TJP1: variants seen among roughly 807,000 people sequenced by gnomAD.
TJP1 encodes tight junction protein ZO-1.
TJP1 carries 43 observed loss-of-function variants against 194.2 expected under a neutral mutation model. The observed-to-expected ratio is 0.22, with a 90% CI of 0.17 to 0.29. TJP1 has a LOEUF of 0.29. Ranked by LOEUF, TJP1 falls within the 10% of genes least tolerant of loss-of-function variation. The probability of loss-of-function intolerance (pLI) is 1.00; values close to 1 mark genes in which losing one functional copy is unlikely to be tolerated. For missense variants in TJP1, 1,971 were observed against 2,185.7 expected (o/e 0.90, Z 1.96); for synonymous variants, 801 against 779.0 (o/e 1.03, Z -0.47).
Position 29,916,170 on chromosome 15 carries a change from G to A in TJP1, c.306+40062C>T, listed in dbSNP as rs556086069. On this transcript the variant is annotated intron_variant, in intron 2 of 28. Coordinates refer to the TJP1 transcript ENST00000356107. Reference sequence around the variant, plus strand: ...TGAGGCAGCAAAATCACCTGAACTCGGGAGGTGGAGGTTGCAGTGAGATTG... The same window carrying A: ...TGAGGCAGCAAAATCACCTGAACTCAGGAGGTGGAGGTTGCAGTGAGATTG... 5.5e-4 allele frequency among the ~76,000 whole-genome samples: 83 copies of A among 151,156 alleles called. No homozygotes were observed. In the South Asian group the frequency reaches 0.014, roughly 25 times the overall value.
rs143218372 is a variant in TJP1 at position 29,929,974 on chromosome 15, A to G, written c.306+26258T>C. Among the ~76,000 whole-genome samples the G allele has an allele frequency of 4.1e-4, 63 of 152,300 alleles. 2 individuals are homozygous for G. In the East Asian group the frequency reaches 0.012, roughly 29 times the overall value. On this transcript the variant is annotated intron_variant, in intron 2 of 28. Coordinates refer to the TJP1 transcript ENST00000356107. ...GAACAACTTTATGCAATACAACTGA[A>G]AATTTAGGGAAAAGTGGACAATTCC... is the stretch of plus-strand genomic sequence containing the variant.
intron 8 of TJP1, among the ~76,000 whole-genome samples, chr15:29,756,104 T>C (rs1353155357): frequency 2.6e-5 from 4 of 152,018 alleles, no homozygotes; most frequent in Non-Finnish European, 5.9e-5. Flanking sequence ...ACTCTCTACT[T>C]ATGCAGGGAC....
intron 2 of TJP1, among the ~76,000 whole-genome samples, chr15:29,924,498 C>T (rs1191940253): frequency 6.6e-6 from 1 of 152,140 alleles, no homozygotes; most frequent in African/African-American, 2.4e-5. Flanking sequence ...AGAATATGAA[C>T]TATAGAGTGT....
At chr15:29,967,331 C>A (rs1018118400) in intron 1 of TJP1, among the ~76,000 whole-genome samples, 1 of 151,576 alleles carries the variant, frequency 6.6e-6, no homozygotes, top group Non-Finnish European at 1.5e-5. Flanking sequence ...CCACTATACC[C>A]GGCACATTAA....
At chr15:29,795,912 T>A (rs1343262810) in intron 2 of TJP1, among the ~76,000 whole-genome samples, 1 of 151,970 alleles carries the variant, frequency 6.6e-6, no homozygotes, top group Non-Finnish European at 1.5e-5. Context: ...ATCCCAGTCA[T>A]ACACACACAA....
chr15:29,742,968 CATGTAAT>C, intron 8 of TJP1, 187 bp from the exon 9 acceptor site: 1 of 428,940 alleles, frequency 2.3e-6, no homozygotes. Context: ...CAAATAGATT[CATGTAAT>C]AAAATCGAAA....
chr15:29,820,692 A>C (rs2050272800), intron 1 of TJP1: 1 of 606,178 alleles, frequency 1.6e-6, no homozygotes, highest in Non-Finnish European at 3.0e-6. Flanking sequence ...AGAAAGCCCC[A>C]GAAAAGACAA....
At chr15:29,752,422 G>A (rs2045351576) in intron 8 of TJP1, among the ~76,000 whole-genome samples, 2 of 151,986 alleles carry the variant, frequency 1.3e-5, no homozygotes, top group South Asian at 2.1e-4. Flanking sequence ...CTTTTTAAAC[G>A]GGATATATGA....
chr15:29,716,564 A>AT (rs769841664), intron 23 of TJP1, 47 bp downstream of exon 23: 1 of 1,384,400 alleles, frequency 7.2e-7, no homozygotes, highest in Non-Finnish European at 1.0e-6. Flanking sequence ...ACTGCACGGG[A>AT]TTAATATGCT....
intron 1 of TJP1, among the ~76,000 whole-genome samples, chr15:29,804,553 T>C (rs978492846): frequency 3.9e-5 from 6 of 152,164 alleles, no homozygotes; most frequent in Admixed American, 2.6e-4. Flanking sequence ...AAGAAACGCA[T>C]GGCTTCTGGA....
At chr15:29,827,588 C>T (rs1596056015) in intron 2 of TJP1, among the ~76,000 whole-genome samples, 2 of 152,288 alleles carry the variant, frequency 1.3e-5, no homozygotes, top group South Asian at 4.1e-4. Context: ...TCAGTGACTC[C>T]ACATGAGTTA....
intron 2 of TJP1, among the ~76,000 whole-genome samples, chr15:29,797,380 C>G (rs1043974357): frequency 6.6e-6 from 1 of 152,100 alleles, no homozygotes; most frequent in African/African-American, 2.4e-5. Flanking sequence ...AAATTCCTGG[C>G]CTCAAGTAAT....
In TJP1 at chr15:29,891,291, C is replaced by T. The variant is rs571580948; in HGVS notation, c.306+64941G>A. Reference sequence around the variant, plus strand: ...AAGGGGAACAGAGCTCTGAAGTCCTCCTACTCTCCAATTCTGAGATTCTGT... The same window carrying T: ...AAGGGGAACAGAGCTCTGAAGTCCTTCTACTCTCCAATTCTGAGATTCTGT... On this transcript the variant is annotated intron_variant, in intron 2 of 28. Transcript: ENST00000356107. Among the ~76,000 whole-genome samples the T allele has an allele frequency of 2.6e-5, 4 of 152,328 alleles. No homozygotes were observed. In the South Asian group the frequency reaches 8.3e-4, roughly 32 times the overall value.
intron 2 of TJP1, among the ~76,000 whole-genome samples, chr15:29,949,910 TCCACCTCCACCTTCACCACCACCA>T (rs2055593201): frequency 2.4e-5 from 1 of 41,808 alleles, no homozygotes; most frequent in Non-Finnish European, 4.4e-5. Context: ...AACCACCACC[TCCACCTCCACCTTCACCACCACCA>T]CCACCTCCAC....
intron 8 of TJP1, among the ~76,000 whole-genome samples, chr15:29,748,945 T>TGA (rs2045026620): frequency 6.1e-5 from 2 of 32,838 alleles, no homozygotes; most frequent in South Asian, 2.3e-3. Context: ...TGTGTGTGTG[T>TGA]GTGTGTGTGC....
At chr15:29,727,048 A>C in intron 16 of TJP1, 57 bp from the exon 17 acceptor site, 11 of 1,524,932 alleles carry the variant, frequency 7.2e-6, no homozygotes, top group Non-Finnish European at 9.9e-6. Flanking sequence ...ATTAAGAATC[A>C]CCAAATTCAG....
chr15:29,949,545 C>T (rs1444923510), intron 2 of TJP1, among the ~76,000 whole-genome samples: 12 of 144,228 alleles, frequency 8.3e-5, no homozygotes, highest in East Asian at 2.2e-4. Context: ...ACCACCACCA[C>T]CTCCACAACC....
chr15:29,799,483 C>T (rs535610780), intron 2 of TJP1, among the ~76,000 whole-genome samples: 26 of 151,260 alleles, frequency 1.7e-4, no homozygotes, highest in African/African-American at 5.8e-4. Context: ...GGCATGATCT[C>T]GGCTCACTGC....
At position 29,718,823 on chromosome 15, in the gene TJP1, C is replaced by A; in HGVS notation, c.3319G>T (p.Asp1107Tyr). 1 of 1,614,144 alleles carries A rather than the reference C, an allele frequency of 6.2e-7. No homozygotes were observed. Among genetic ancestry groups the A allele is most frequent in the South Asian group, 1.1e-5 (1 of 91,076 alleles). The change falls in exon 21 of 28, where the codon GAT becomes TAT. Residue 1107 changes from aspartate (D) to tyrosine (Y), a missense_variant. Asp to Tyr is a radical substitution (Grantham distance 160, BLOSUM62 -3). This residue lies in a region of TJP1 where 1,108 missense variants were observed against 1,128.5 expected (regional missense o/e 0.98). Transcript: ENST00000614355. Reference protein sequence around the residue: ...KQPYPSRPPFDNQHSQDLDSR... With the variant: ...KQPYPSRPPFYNQHSQDLDSR... ...TCAAGGTCTTGAGAGTGCTGATTAT[C>A]AAAAGGTGGCCGAGATGGGTAGGGC...
Sources: gnomAD v4.1 joint callset for allele counts (sites outside exome capture counted in the v4.1 genomes callset) on GRCh38, gnomAD v4.1.1 for gene constraint, gnomAD v4.1.1 regional missense constraint, MANE v1.5 for transcripts, NCBI Gene and HGNC (gene_info 2026-07-23, HGNC 2026-07-21) for gene names.